RBFOX1: variants seen among roughly 807,000 people sequenced by gnomAD.
RBFOX1 encodes RNA binding fox-1 homolog 1.
A neutral mutation model predicts 57.7 loss-of-function variants in RBFOX1; 8 were observed. The ratio of observed to expected loss-of-function variants is 0.14; its 90% CI spans 0.08 to 0.25. The LOEUF (loss-of-function observed/expected upper bound fraction) is 0.25, where lower values mean the gene tolerates loss of function less well. RBFOX1 is among the 10% of genes least tolerant of loss of function. The pLI, the probability that RBFOX1 is intolerant of heterozygous loss-of-function variation, is 1.00. For synonymous variants in RBFOX1, 326 were observed against 222.4 expected (o/e 1.47, Z -4.15); for missense variants, 611 against 548.5 (o/e 1.11, Z -1.14).
intron 4 of RBFOX1, among the ~76,000 whole-genome samples, chr16:7,390,228 C>G (rs1205555206): frequency 6.6e-6 from 1 of 152,188 alleles, no homozygotes; most frequent in East Asian, 1.9e-4. Flanking sequence ...TCCTCCAACA[C>G]TGAGAACTAC....
In RBFOX1 at chr16:6,609,817, G is replaced by A. The variant is rs116955339; in HGVS notation, c.-63-44786G>A. Among the ~76,000 whole-genome samples, 944 of 152,102 alleles carry A rather than the reference G, an allele frequency of 6.2e-3. 11 individuals carry two copies. The highest frequency in any genetic ancestry group is 0.02 in the Middle Eastern group (6 of 294). ...AAGGTCAAAAGGTCAAGACCATCCT[G>A]GCCAACATGGTGAAACCCCATCTTT... On this transcript the variant is annotated intron_variant, in intron 2 of 15. Coordinates refer to ENST00000550418, the MANE Select transcript of RBFOX1 (RefSeq NM_018723.4).
intron 4 of RBFOX1, among the ~76,000 whole-genome samples, chr16:7,128,616 A>T (rs150192197): frequency 1.1e-4 from 17 of 152,286 alleles, no homozygotes; most frequent in African/African-American, 3.8e-4. Flanking sequence ...GGCTCATGCT[A>T]GGAACTGACA....
intron 2 of RBFOX1, among the ~76,000 whole-genome samples, chr16:6,364,560 T>C (rs1441532455): frequency 6.6e-6 from 1 of 152,234 alleles, no homozygotes; most frequent in African/African-American, 2.4e-5. Flanking sequence ...TGTGAACACA[T>C]GTGCGTGTGT....
intron 3 of RBFOX1, chr16:5,610,678 T>C (rs1413842239): frequency 8.1e-6 from 1 of 122,904 alleles, no homozygotes; most frequent in Non-Finnish European, 1.9e-5. Context: ...TTTGTCTCTA[T>C]AAAATCAGAA....
intron 2 of RBFOX1, among the ~76,000 whole-genome samples, chr16:6,508,617 TTTC>T (rs1210060847): frequency 2.6e-5 from 4 of 152,144 alleles, no homozygotes; most frequent in African/African-American, 9.7e-5. Flanking sequence ...CCTATTGCTG[TTTC>T]TTCTTTACTT....
chr16:5,347,026 C>A (rs1193321611), intron 1 of RBFOX1, among the ~76,000 whole-genome samples: 1 of 152,002 alleles, frequency 6.6e-6, no homozygotes, highest in East Asian at 1.9e-4. Flanking sequence ...ACCTACTTGG[C>A]TTGTTCCTGA....
At chr16:5,267,335 T>G (rs1424502071) in intron 1 of RBFOX1, among the ~76,000 whole-genome samples, 2 of 151,660 alleles carry the variant, frequency 1.3e-5, no homozygotes, top group Non-Finnish European at 2.9e-5. Flanking sequence ...TCTTGCTTTA[T>G]TGCCCAGGCT....
chr16:5,689,790 A>G (rs2050614785), intron 3 of RBFOX1, among the ~76,000 whole-genome samples: 5 of 131,478 alleles, frequency 3.8e-5, no homozygotes, highest in Admixed American at 3.6e-4. Flanking sequence ...AATCATTTTA[A>G]TAAGAAATAC....
At chr16:6,890,087 T>A (rs1231518418) in intron 3 of RBFOX1, among the ~76,000 whole-genome samples, 2 of 152,214 alleles carry the variant, frequency 1.3e-5, no homozygotes, top group East Asian at 3.8e-4. Flanking sequence ...AAAATGTGTT[T>A]AGCACAAAGA....
chr16:7,341,822 C>CCTTCCTTT lies in RBFOX1; in HGVS notation c.28-176324_28-176317dup, dbSNP rs1260006008. ...TCCTTCCTTCCTTCCTTCCTTCCTT[C>CCTTCCTTT]CTTCCTTTTTGAGGTGGGAAGATGA... On this transcript the variant is annotated intron_variant, in intron 4 of 15. Transcript: ENST00000550418. Among the ~76,000 whole-genome samples, 3 of 130,908 alleles carry CCTTCCTTT rather than the reference C, an allele frequency of 2.3e-5. No homozygotes were observed. In the East Asian group the frequency reaches 6.5e-4, roughly 28 times the overall value. 85.9% of individuals were successfully genotyped at this position (130,908 alleles called of 152,430 possible).
chr16:6,320,595 C>G (rs2081651476), intron 2 of RBFOX1, among the ~76,000 whole-genome samples: 1 of 152,032 alleles, frequency 6.6e-6, no homozygotes, highest in African/African-American at 2.4e-5. Flanking sequence ...AATCAAGCTA[C>G]TTAACATACT....
intron 2 of RBFOX1, among the ~76,000 whole-genome samples, chr16:6,652,481 C>G (rs951725495): frequency 4.3e-4 from 66 of 151,978 alleles, no homozygotes; most frequent in African/African-American, 1.5e-3. Flanking sequence ...GTCTGTCTCC[C>G]TTTCTCTCTC....
At chr16:7,104,652 C>T (rs118152154) in intron 4 of RBFOX1, among the ~76,000 whole-genome samples, 1 of 152,212 alleles carries the variant, frequency 6.6e-6, no homozygotes, top group Non-Finnish European at 1.5e-5. Flanking sequence ...CATCGGGACA[C>T]CAGAAAGACA....
At chr16:7,331,447 A>G (rs1184310914) in intron 4 of RBFOX1, among the ~76,000 whole-genome samples, 1 of 152,182 alleles carries the variant, frequency 6.6e-6, no homozygotes, top group East Asian at 1.9e-4. Context: ...GTGGAACTAC[A>G]CACACCCACA....
chr16:6,435,140 C>G (rs1294657289), intron 2 of RBFOX1, among the ~76,000 whole-genome samples: 3 of 152,010 alleles, frequency 2.0e-5, no homozygotes, highest in Non-Finnish European at 4.4e-5. Context: ...AGAGGATTTG[C>G]TTGCCATCAC....
At chr16:5,731,864 C>T (rs758632418) in intron 3 of RBFOX1, among the ~76,000 whole-genome samples, 4 of 152,196 alleles carry the variant, frequency 2.6e-5, no homozygotes, top group Non-Finnish European at 5.9e-5. Context: ...AATAAGAAGA[C>T]ACCACCATAT....
intron 3 of RBFOX1, among the ~76,000 whole-genome samples, chr16:5,837,097 T>G (rs1175810833): frequency 1.3e-5 from 2 of 152,088 alleles, no homozygotes; most frequent in African/African-American, 4.8e-5. Context: ...CATTCATAAT[T>G]CTAGCCTCCT....
rs116193129 is a variant in RBFOX1 at position 5,822,073 on chromosome 16, G to C, written c.319-45230G>C. Among the ~76,000 whole-genome samples the C allele has an allele frequency of 2.0e-3, 312 of 152,294 alleles. 4 individuals are homozygous for C. Among genetic ancestry groups the C allele is most frequent in the African/African-American group, 7.4e-3 (307 of 41,554 alleles). On this transcript the variant is annotated intron_variant, in intron 3 of 19. Transcript: ENST00000641259. The stretch of plus-strand genomic sequence containing the variant: ...AAGAAGTTGTTTATAAATTGGGTTG[G>C]TTCCATGATTTTGCTGTTGTGAATT...
chr16:7,625,682 T>C (rs576357297), intron 10 of RBFOX1, among the ~76,000 whole-genome samples: 97 of 152,234 alleles, frequency 6.4e-4, no homozygotes, highest in African/African-American at 2.2e-3. Flanking sequence ...AATTCAGAAA[T>C]TATGTAGGAA....
Sources: gnomAD v4.1 joint callset for allele counts (sites outside exome capture counted in the v4.1 genomes callset) on GRCh38, gnomAD v4.1.1 for gene constraint, MANE v1.5 for transcripts, NCBI Gene and HGNC (gene_info 2026-07-23, HGNC 2026-07-21) for gene names.